NRXN1: variants seen among roughly 807,000 people sequenced by gnomAD.
NRXN1 encodes the protein neurexin-1.
A neutral mutation model predicts 150.9 loss-of-function variants in NRXN1; 39 were observed. The observed-to-expected ratio is 0.26, with a 90% CI of 0.20 to 0.34. NRXN1 has a LOEUF of 0.34. NRXN1 is among the 10% of genes least tolerant of loss of function. NRXN1 has a pLI of 1.00. For missense variants in NRXN1, 1,815 were observed against 1,949.9 expected, an observed-to-expected ratio of 0.93 and a Z score of 1.30; for synonymous variants, 924 against 757.0, an observed-to-expected ratio of 1.22 and a Z score of -3.62.
At chr2:50,686,835 G>A (rs757801437) in intron 5 of NRXN1, among the ~76,000 whole-genome samples, 10 of 152,150 alleles carry the variant, frequency 6.6e-5, no homozygotes, top group South Asian at 6.2e-4. Context: ...GGCATCTTTT[G>A]TATTATGCAT....
At chr2:50,282,705 G>T (rs908191826) in intron 17 of NRXN1, among the ~76,000 whole-genome samples, 1 of 152,084 alleles carries the variant, frequency 6.6e-6, no homozygotes, top group African/African-American at 2.4e-5. Context: ...TTCATAATGG[G>T]AAATCAGATG....
At chr2:50,588,193 A>G (rs1043187943) in intron 8 of NRXN1, among the ~76,000 whole-genome samples, 1 of 152,190 alleles carries the variant, frequency 6.6e-6, no homozygotes, top group Non-Finnish European at 1.5e-5. Flanking sequence ...TTCAATAAAT[A>G]TATGTTTTTA....
At chr2:50,433,893 C>G (rs773178528) in intron 17 of NRXN1, among the ~76,000 whole-genome samples, 4 of 151,986 alleles carry the variant, frequency 2.6e-5, no homozygotes, top group African/African-American at 9.7e-5. Context: ...TTTTTTCTCT[C>G]TTGGCCACAA....
intron 5 of NRXN1, among the ~76,000 whole-genome samples, chr2:50,866,580 T>A (rs932121077): frequency 6.6e-6 from 1 of 151,908 alleles, no homozygotes; most frequent in Non-Finnish European, 1.5e-5. Context: ...TACCCTCTTC[T>A]TACTTCACAA....
At chr2:50,278,150 G>C (rs75008235) in intron 17 of NRXN1, among the ~76,000 whole-genome samples, 1,582 of 131,342 alleles carry the variant, frequency 0.012, 37 homozygotes, top group African/African-American at 0.043. Flanking sequence ...CTCACCACCT[G>C]CCAGGTTTAA....
At chr2:50,696,606 C>T (rs544577750) in intron 5 of NRXN1, among the ~76,000 whole-genome samples, 1 of 152,226 alleles carries the variant, frequency 6.6e-6, no homozygotes, top group African/African-American at 2.4e-5. Context: ...TTCTGAGCAA[C>T]TATTTCTTCT....
chr2:50,945,824 C>T (rs925188212), intron 2 of NRXN1, among the ~76,000 whole-genome samples: 13 of 149,822 alleles, frequency 8.7e-5, no homozygotes, highest in African/African-American at 2.9e-4. Flanking sequence ...TTTACCACGA[C>T]TTTATCGTAA....
intron 18 of NRXN1, among the ~76,000 whole-genome samples, chr2:50,218,060 C>G (rs1005558998): frequency 6.6e-6 from 1 of 152,042 alleles, no homozygotes; most frequent in Non-Finnish European, 1.5e-5. Flanking sequence ...TGCAAAGGTG[C>G]TCCTGAGGCA....
At chr2:50,671,767 C>T (rs1688886495) in intron 5 of NRXN1, among the ~76,000 whole-genome samples, 2 of 151,672 alleles carry the variant, frequency 1.3e-5, no homozygotes, top group Admixed American at 1.3e-4. Context: ...ATATATTTTG[C>T]TATTTTGTTA....
At chr2:50,489,344 G>A (rs13402450) in intron 15 of NRXN1, among the ~76,000 whole-genome samples, 8,108 of 151,862 alleles carry the variant, frequency 0.053, 764 homozygotes, top group African/African-American at 0.18. Flanking sequence ...TGGCACTCTC[G>A]CTACCAATCT....
intron 5 of NRXN1, among the ~76,000 whole-genome samples, chr2:50,794,833 T>C (rs1023835699): frequency 6.6e-6 from 1 of 152,134 alleles, no homozygotes; most frequent in African/African-American, 2.4e-5. Context: ...AGATATCTTT[T>C]TGAAACACAA....
chr2:50,492,820 C>T (rs2091333841), intron 15 of NRXN1, among the ~76,000 whole-genome samples: 1 of 152,174 alleles, frequency 6.6e-6, no homozygotes, highest in Non-Finnish European at 1.5e-5. Flanking sequence ...AGGATTTATA[C>T]AAAAATTTAA....
chr2:50,466,371 T>C, intron 16 of NRXN1: 1 of 410,036 alleles, frequency 2.4e-6, no homozygotes, highest in Admixed American at 3.2e-5. Context: ...CAAATAACAG[T>C]TACTGCAGAA....
intron 5 of NRXN1, among the ~76,000 whole-genome samples, chr2:50,894,373 CT>C (rs1210609697): frequency 6.8e-6 from 1 of 148,148 alleles, no homozygotes; most frequent in Non-Finnish European, 1.5e-5. Flanking sequence ...ATTAATACAA[CT>C]GAGGAAACTG....
intron 17 of NRXN1, among the ~76,000 whole-genome samples, chr2:50,438,131 T>A (rs919454466): frequency 1.3e-5 from 2 of 152,180 alleles, no homozygotes; most frequent in Non-Finnish European, 2.9e-5. Flanking sequence ...CAAAAAAATT[T>A]TCCCAGGTCA....
chr2:50,774,133 T>A (rs1264382762), intron 5 of NRXN1, among the ~76,000 whole-genome samples: 2 of 152,176 alleles, frequency 1.3e-5, no homozygotes, highest in Non-Finnish European at 2.9e-5. Flanking sequence ...ACAGGTTTTT[T>A]GAAAATCACA....
chr2:50,965,720 G>A (rs978568587), intron 2 of NRXN1, among the ~76,000 whole-genome samples: 3 of 151,298 alleles, frequency 2.0e-5, no homozygotes, highest in African/African-American at 7.3e-5. Flanking sequence ...AAATTAGCAG[G>A]TCCTAACAAC....
At chr2:50,441,888 G>A (rs1457705615) in intron 17 of NRXN1, among the ~76,000 whole-genome samples, 3 of 152,242 alleles carry the variant, frequency 2.0e-5, no homozygotes, top group South Asian at 2.1e-4. Flanking sequence ...ATTCAATTCT[G>A]TATTGTCAAA....
At chr2:50,710,942 A>G (rs1034700120) in intron 5 of NRXN1, among the ~76,000 whole-genome samples, 1 of 152,188 alleles carries the variant, frequency 6.6e-6, no homozygotes, top group African/African-American at 2.4e-5. Context: ...CAGGTGCAGT[A>G]AAACCTTAAA....
Sources: gnomAD v4.1 joint callset for allele counts (sites outside exome capture counted in the v4.1 genomes callset) on GRCh38, gnomAD v4.1.1 for gene constraint, MANE v1.5 for transcripts, NCBI Gene and HGNC (gene_info 2026-07-23, HGNC 2026-07-21) for gene names.